The following ANKRD30BL variants were observed in gnomAD, a reference collection of about 807,000 sequenced individuals.
ANKRD30BL encodes putative ankyrin repeat domain-containing protein 30B-like.
In ANKRD30BL, 20 loss-of-function variants were observed where a neutral mutation model predicts 18.4. The observed-to-expected ratio is 1.09, with a 90% CI of 0.77 to 1.58. The LOEUF (loss-of-function observed/expected upper bound fraction) is 1.58, where lower values mean the gene tolerates loss of function less well. Among genes scored for constraint, ANKRD30BL ranks in the 40% most tolerant of loss-of-function variants. The pLI is 0.00. For missense variants in ANKRD30BL, 224 were observed against 268.6 expected (o/e 0.83, Z 1.16); for synonymous variants, 72 against 100.9 (o/e 0.71, Z 1.72).
chr2:132,227,214 A>G (rs1679871909), intron 1 of ANKRD30BL, among the ~76,000 whole-genome samples: 1 of 152,084 alleles, frequency 6.6e-6, no homozygotes. Flanking sequence ...TCTTCACATA[A>G]ATACTAGACA....
chr2:132,254,071 G>GAC (rs1408702658), intron 1 of ANKRD30BL, among the ~76,000 whole-genome samples: 1 of 146,590 alleles, frequency 6.8e-6, no homozygotes, highest in South Asian at 2.2e-4. Context: ...CGCGCCCACC[G>GAC]ACACACACAT....
intron 4 of ANKRD30BL, among the ~76,000 whole-genome samples, chr2:132,154,090 T>C (rs1687838044): frequency 6.6e-6 from 1 of 152,158 alleles, no homozygotes; most frequent in African/African-American, 2.4e-5. Context: ...AATATTGTCC[T>C]GAGTACCTGG....
intron 1 of ANKRD30BL, among the ~76,000 whole-genome samples, chr2:132,214,073 T>A (rs62164450): frequency 6.6e-6 from 1 of 151,968 alleles, no homozygotes; most frequent in Non-Finnish European, 1.5e-5. Flanking sequence ...TTCTTTTGAT[T>A]GAGCAGCTTT....
intron 1 of ANKRD30BL, among the ~76,000 whole-genome samples, chr2:132,237,608 G>A (rs1410522074): frequency 1.3e-5 from 2 of 152,016 alleles, no homozygotes; most frequent in Non-Finnish European, 2.9e-5. Context: ...CGCTGGAAAC[G>A]GGTATGTCTT....
chr2:132,254,471 C>T (rs1315384847), intron 1 of ANKRD30BL, among the ~76,000 whole-genome samples: 2 of 152,182 alleles, frequency 1.3e-5, no homozygotes, highest in Admixed American at 6.5e-5. Flanking sequence ...CGGGCTGATC[C>T]GAGGGCCTCA....
intron 1 of ANKRD30BL, among the ~76,000 whole-genome samples, chr2:132,160,364 G>A (rs1254271841): frequency 6.8e-6 from 1 of 147,600 alleles, no homozygotes; most frequent in Non-Finnish European, 1.5e-5. Context: ...GCCGCCCGAA[G>A]TGCTGGGACT....
chr2:132,232,754 A>T (rs1189778775), intron 1 of ANKRD30BL, among the ~76,000 whole-genome samples: 1 of 152,168 alleles, frequency 6.6e-6, no homozygotes, highest in Non-Finnish European at 1.5e-5. Context: ...AAGTTGGAAA[A>T]CACTCTGCAG....
At chr2:132,166,236 G>A (rs1383035957), upstream of ANKRD30BL, among the ~76,000 whole-genome samples, 28 of 152,262 alleles carry the variant, frequency 1.8e-4, no homozygotes. Flanking sequence ...GTTCATGAGA[G>A]ATATTGATAT....
At chr2:132,221,494 G>A (rs1679681291) in intron 1 of ANKRD30BL, among the ~76,000 whole-genome samples, 1 of 129,560 alleles carries the variant, frequency 7.7e-6, no homozygotes, top group Non-Finnish European at 1.6e-5. Flanking sequence ...GCCCCTACTG[G>A]GAAGTGAGGA....
chr2:132,166,673 G>T (rs986288519), upstream of ANKRD30BL, among the ~76,000 whole-genome samples: 20 of 151,964 alleles, frequency 1.3e-4, no homozygotes, highest in Non-Finnish European at 1.2e-4. Context: ...TCCAATATTT[G>T]TAAGTTGTTC....
chr2:132,229,919 G>A (rs1019931144), intron 1 of ANKRD30BL, among the ~76,000 whole-genome samples: 2 of 151,898 alleles, frequency 1.3e-5, no homozygotes, highest in African/African-American at 4.8e-5. Context: ...TCTGCAAGTG[G>A]ATATTTGGAA....
At chr2:132,256,018 G>A (rs1303740756) in intron 1 of ANKRD30BL, among the ~76,000 whole-genome samples, 1 of 152,194 alleles carries the variant, frequency 6.6e-6, no homozygotes, top group Non-Finnish European at 1.5e-5. Context: ...GTGCCCTTCA[G>A]CATGTAATAG....
At chr2:132,176,810 G>A (rs945594918) in intron 1 of ANKRD30BL, among the ~76,000 whole-genome samples, 13 of 152,006 alleles carry the variant, frequency 8.6e-5, no homozygotes, top group African/African-American at 2.4e-4. Context: ...ATGCAGCAGC[G>A]TATTATGCTT....
intron 1 of ANKRD30BL, among the ~76,000 whole-genome samples, chr2:132,221,906 G>A (rs1347501813): frequency 3.9e-5 from 5 of 128,754 alleles, no homozygotes; most frequent in African/African-American, 1.8e-4. Context: ...CGCCCCGTCT[G>A]GGAGGGAGGT....
intron 1 of ANKRD30BL, among the ~76,000 whole-genome samples, chr2:132,178,861 G>A (rs1044712865): frequency 1.2e-4 from 18 of 152,020 alleles, no homozygotes; most frequent in Admixed American, 3.9e-4. Context: ...GGGAATCAGT[G>A]ACTAATTAAA....
intron 1 of ANKRD30BL, among the ~76,000 whole-genome samples, chr2:132,169,274 T>A (rs892445764): frequency 8.5e-5 from 13 of 152,338 alleles, no homozygotes; most frequent in Admixed American, 7.2e-4. Context: ...CTTCATTAGT[T>A]CCACACATTT....
intron 1 of ANKRD30BL, among the ~76,000 whole-genome samples, chr2:132,211,985 G>T (rs201761325): frequency 6.7e-6 from 1 of 150,212 alleles, no homozygotes; most frequent in Non-Finnish European, 1.5e-5. Context: ...GTTCAAACAT[G>T]CTTTAGATTG....
At chr2:132,166,765 T>C (rs1303706637), upstream of ANKRD30BL, among the ~76,000 whole-genome samples, 1 of 152,074 alleles carries the variant, frequency 6.6e-6, no homozygotes, top group Non-Finnish European at 1.5e-5. Flanking sequence ...TTCTGTTTCA[T>C]TGATTTTCTC....
At chr2:132,194,597 C>G (rs1283002019) in intron 1 of ANKRD30BL, among the ~76,000 whole-genome samples, 1 of 152,100 alleles carries the variant, frequency 6.6e-6, no homozygotes, top group Non-Finnish European at 1.5e-5. Flanking sequence ...CTCTTTCTAC[C>G]CCAATCAGCC....
Sources: gnomAD v4.1 joint callset for allele counts (sites outside exome capture counted in the v4.1 genomes callset) on GRCh38, gnomAD v4.1.1 for gene constraint, MANE v1.5 for transcripts, NCBI Gene and HGNC (gene_info 2026-07-23, HGNC 2026-07-21) for gene names.